Variants in GPHN observed in about 807,000 individuals in gnomAD.
GPHN encodes the protein gephyrin.
Under a neutral mutation model 95.5 loss-of-function variants are expected in GPHN, and 17 were observed. The ratio of observed to expected loss-of-function variants is 0.18; its 90% confidence interval spans 0.12 to 0.27. GPHN has a LOEUF of 0.27. Among genes scored for constraint, GPHN ranks in the 10% least tolerant of loss-of-function variants. GPHN has a pLI of 1.00. For synonymous variants in GPHN, 320 were observed against 322.5 expected, an observed-to-expected ratio of 0.99 and a Z score of 0.08; for missense variants, 660 against 978.1, an observed-to-expected ratio of 0.67 and a Z score of 4.34.
the GPHN span, chr14:67,340,588 T>G: frequency 8.0e-7 from 1 of 1,245,006 alleles, no homozygotes. Flanking sequence ...AGTGCTCATT[T>G]GTATAACAGT....
intron 1 of GPHN, among the ~76,000 whole-genome samples, chr14:66,546,258 C>T (rs1275081323): frequency 1.3e-5 from 2 of 151,514 alleles, no homozygotes; most frequent in African/African-American, 4.9e-5. Context: ...GGGATGGCGG[C>T]CGGGCAGAGA....
chr14:67,167,837 C>T (rs758723035), intron 20 of GPHN, among the ~76,000 whole-genome samples: 2 of 152,104 alleles, frequency 1.3e-5, no homozygotes, highest in Admixed American at 6.5e-5. Flanking sequence ...TTGGAACTTG[C>T]CAAGATCAGA....
At chr14:66,684,967 T>TCAATTCC (rs1438879266) in intron 2 of GPHN, among the ~76,000 whole-genome samples, 4 of 152,210 alleles carry the variant, frequency 2.6e-5, no homozygotes, top group Non-Finnish European at 5.9e-5. Context: ...TTCTCATTGT[T>TCAATTCC]CAATTCCCAC....
the GPHN span, among the ~76,000 whole-genome samples, chr14:67,242,559 A>G: frequency 2.0e-5 from 3 of 152,278 alleles, no homozygotes; most frequent in East Asian, 5.8e-4. Flanking sequence ...CGTGTTGGTT[A>G]TTGGTGTCTT....
rs959226315 is a variant in GPHN at position 66,508,315 on chromosome 14, C to T, written c.-213C>T. 3.3e-6 allele frequency: 2 copies of T among 606,306 alleles called. No homozygotes were observed. Among genetic ancestry groups the T allele is most frequent in the South Asian group, 1.9e-5 (1 of 52,298 alleles). 37.6% of individuals were successfully genotyped at this position (606,306 alleles called of 1,614,324 possible). A position where few individuals can be genotyped will look rare whatever the true frequency, so the allele number is the denominator to read the frequency against. On this transcript the variant is annotated 5_prime_UTR_variant, in exon 1 of 23. Coordinates refer to ENST00000478722, the MANE Select transcript of GPHN (RefSeq NM_020806.5). ...GACTTGGGGCCGCGCGCCCTGACTCCTTCCCCTCCCGCGGACCCGCGCACT... is the reference window on the plus strand; with the variant it reads ...GACTTGGGGCCGCGCGCCCTGACTCTTTCCCCTCCCGCGGACCCGCGCACT...
At chr14:66,945,312 T>C (rs1370955188) in intron 8 of GPHN, among the ~76,000 whole-genome samples, 1 of 152,110 alleles carries the variant, frequency 6.6e-6, no homozygotes, top group African/African-American at 2.4e-5. Flanking sequence ...CCACTGCAAA[T>C]GGTGCGAACT....
chr14:67,612,131 G>C, the GPHN span, among the ~76,000 whole-genome samples: 143 of 152,296 alleles, frequency 9.4e-4, 1 homozygote, highest in Non-Finnish European at 1.8e-3. Flanking sequence ...GTAAATACAG[G>C]TGAAGCTTCA....
the GPHN span, chr14:67,359,798 T>G: frequency 2.1e-6 from 3 of 1,398,108 alleles, no homozygotes; most frequent in South Asian, 3.5e-5. Flanking sequence ...GGGAGTCAGC[T>G]GGTTGTGTCA....
At chr14:66,663,919 CAAG>C (rs1443836736) in intron 1 of GPHN, among the ~76,000 whole-genome samples, 2 of 152,162 alleles carry the variant, frequency 1.3e-5, no homozygotes, top group Non-Finnish European at 2.9e-5. Flanking sequence ...TTCAATTCAA[CAAG>C]AAGAACTAGC....
At chr14:67,653,011 G>A in the GPHN span, among the ~76,000 whole-genome samples, 12 of 152,258 alleles carry the variant, frequency 7.9e-5, no homozygotes, top group African/African-American at 2.6e-4. Context: ...GACTGGTCTT[G>A]AACTCCTGAC....
In GPHN at chr14:66,686,423, T is replaced by C. The variant is rs565253328; in HGVS notation, c.143+5238T>C. ...CATTTGTTTATGTTCTCTTTTATTTTGTTGAGCAGTGGTTTGTAGTTCTCC... is the reference window on the plus strand; with the variant it reads ...CATTTGTTTATGTTCTCTTTTATTTCGTTGAGCAGTGGTTTGTAGTTCTCC... On this transcript the variant is annotated intron_variant, in intron 2 of 22. Coordinates refer to ENST00000478722, the MANE Select transcript of GPHN (RefSeq NM_020806.5). Among the ~76,000 whole-genome samples, 14 of 152,272 alleles carry C rather than the reference T, an allele frequency of 9.2e-5. No homozygotes were observed. The South Asian group carries it at 2.1e-3, about 23-fold the overall frequency.
At chr14:66,660,020 A>G (rs2065542969) in intron 1 of GPHN, among the ~76,000 whole-genome samples, 1 of 151,410 alleles carries the variant, frequency 6.6e-6, no homozygotes, top group Non-Finnish European at 1.5e-5. Context: ...TTATTTGAAT[A>G]TTTTTAGGAG....
chr14:66,857,551 T>G (rs2062851379), intron 4 of GPHN, among the ~76,000 whole-genome samples: 1 of 152,194 alleles, frequency 6.6e-6, no homozygotes, highest in African/African-American at 2.4e-5. Flanking sequence ...AATTGTTTAT[T>G]AAGCAAAATA....
chr14:66,693,501 T>G (rs145435301), intron 2 of GPHN, among the ~76,000 whole-genome samples: 1 of 152,294 alleles, frequency 6.6e-6, no homozygotes, highest in African/African-American at 2.4e-5. Context: ...CATGCAGTTA[T>G]GGAGGCTGAG....
At chr14:66,525,572 C>T (rs1044543133) in intron 1 of GPHN, among the ~76,000 whole-genome samples, 1 of 152,136 alleles carries the variant, frequency 6.6e-6, no homozygotes, top group Non-Finnish European at 1.5e-5. Context: ...TTGCCCATGC[C>T]TATGTCCTGA....
the GPHN span, chr14:67,656,734 G>A: frequency 5.4e-6 from 5 of 929,146 alleles, no homozygotes; most frequent in Non-Finnish European, 7.5e-6. Flanking sequence ...AGAAGCTAAT[G>A]ATTCTTTTCA....
At chr14:67,478,908 A>G in the GPHN span, among the ~76,000 whole-genome samples, 5 of 152,226 alleles carry the variant, frequency 3.3e-5, no homozygotes, top group African/African-American at 1.2e-4. Flanking sequence ...GATAGTGGTA[A>G]GAGAAAAAAG....
intron 4 of GPHN, among the ~76,000 whole-genome samples, chr14:66,846,560 T>G (rs2062347782): frequency 6.6e-6 from 1 of 152,102 alleles, no homozygotes; most frequent in Admixed American, 6.5e-5. Flanking sequence ...CTTTCACCTC[T>G]TCTAAGCATT....
chr14:66,744,543 A>C (rs977571242), intron 2 of GPHN, among the ~76,000 whole-genome samples: 6 of 152,178 alleles, frequency 3.9e-5, no homozygotes, highest in African/African-American at 1.4e-4. Flanking sequence ...GAATTATCTA[A>C]TACATTTTGC....
Sources: gnomAD v4.1 joint callset for allele counts (sites outside exome capture counted in the v4.1 genomes callset) on GRCh38, gnomAD v4.1.1 for gene constraint, MANE v1.5 for transcripts, NCBI Gene and HGNC (gene_info 2026-07-23, HGNC 2026-07-21) for gene names.